The following SORCS3 variants were observed in gnomAD, a reference collection of about 807,000 sequenced individuals.
SORCS3 encodes VPS10 domain-containing receptor SorCS3.
SORCS3 carries 57 observed loss-of-function variants against 146.3 expected under a neutral mutation model. That is an observed-to-expected ratio of 0.39 (90% CI 0.31 to 0.49). The LOEUF (loss-of-function observed/expected upper bound fraction) is 0.49, where lower values mean the gene tolerates loss of function less well. Ranked by LOEUF, SORCS3 falls within the 20% of genes least tolerant of loss-of-function variation. The pLI, the probability that SORCS3 is intolerant of heterozygous loss-of-function variation, is 0.92. For synonymous variants in SORCS3, 653 were observed against 618.5 expected, an observed-to-expected ratio of 1.06 and a Z score of -0.83; for missense variants, 1,341 against 1,575.5, an observed-to-expected ratio of 0.85 and a Z score of 2.52.
chr10:104,677,510 GC>G (rs151307119), intron 1 of SORCS3, among the ~76,000 whole-genome samples: 209 of 152,356 alleles, frequency 1.4e-3, no homozygotes, highest in African/African-American at 4.8e-3. Flanking sequence ...GCCTGTCGCA[GC>G]CTGCCCAGGA....
intron 16 of SORCS3, among the ~76,000 whole-genome samples, chr10:105,210,301 G>A (rs749453081): frequency 3.3e-5 from 5 of 152,140 alleles, no homozygotes; most frequent in East Asian, 1.9e-4. Context: ...TTGCCCCATC[G>A]GTGGGTTTCA....
chr10:105,097,686 G>T (rs940061849), intron 6 of SORCS3, among the ~76,000 whole-genome samples: 3 of 152,100 alleles, frequency 2.0e-5, no homozygotes, highest in Non-Finnish European at 4.4e-5. Flanking sequence ...TACTAATGAT[G>T]ATCTTGTTAT....
At chr10:105,147,498 A>C in intron 8 of SORCS3, 119 bp from the exon 9 acceptor site, 1 of 783,240 alleles carries the variant, frequency 1.3e-6, no homozygotes, top group Non-Finnish European at 1.9e-6. Flanking sequence ...ATTGTTTAAC[A>C]TTGCCTATAA....
intron 1 of SORCS3, among the ~76,000 whole-genome samples, chr10:104,653,801 C>T (rs978637670): frequency 6.6e-6 from 1 of 152,128 alleles, no homozygotes; most frequent in Non-Finnish European, 1.5e-5. Flanking sequence ...ATTTGTGTTA[C>T]AAATAATCCA....
At chr10:104,696,510 A>ATTATATAC (rs1311871219) in intron 1 of SORCS3, among the ~76,000 whole-genome samples, 6 of 89,150 alleles carry the variant, frequency 6.7e-5, no homozygotes, top group Non-Finnish European at 9.6e-5. Context: ...TATAATATAT[A>ATTATATAC]ATATATAATA....
intron 5 of SORCS3, among the ~76,000 whole-genome samples, chr10:105,065,928 C>A (rs560050933): frequency 1.1e-3 from 168 of 152,264 alleles, no homozygotes; most frequent in South Asian, 2.1e-3. Context: ...GGTAGTGAGT[C>A]ATCTAAAATA....
chr10:105,161,188 T>C (rs561641215), intron 11 of SORCS3, among the ~76,000 whole-genome samples: 2 of 152,338 alleles, frequency 1.3e-5, no homozygotes, highest in East Asian at 3.9e-4. Context: ...CCCTGGATCT[T>C]TGGGAGGGAT....
chr10:105,147,668 G>C lies in SORCS3; in HGVS notation c.1354G>C (p.Glu452Gln). 6.2e-7 allele frequency: 1 copy of C among 1,613,040 alleles called. No homozygotes were observed. Among genetic ancestry groups the C allele is most frequent in the Non-Finnish European group, 8.5e-7 (1 of 1,179,256 alleles). The change falls in exon 9 of 27, where the codon GAA (glutamate) becomes CAA (glutamine). Residue 452 changes from glutamate to glutamine, a missense_variant. By Grantham distance (29) the Glu-to-Gln change is conservative (BLOSUM62 2). Transcript: ENST00000369701. ...DENQVFAAVQ[E>Q]WNQNDTYNLY... ...GAACCAAGTATTTGCTGCGGTCCAA[G>C]AATGGAACCAGAACGACACGTACAA...
At chr10:105,009,937 G>A (rs2055123279) in intron 4 of SORCS3, among the ~76,000 whole-genome samples, 1 of 152,088 alleles carries the variant, frequency 6.6e-6, no homozygotes, top group African/African-American at 2.4e-5. Context: ...ATAATTGAAA[G>A]GCTATTGAAA....
chr10:105,081,081 C>T (rs2133733924), intron 5 of SORCS3, among the ~76,000 whole-genome samples: 1 of 152,090 alleles, frequency 6.6e-6, no homozygotes, highest in East Asian at 1.9e-4. Context: ...TCACATTGTA[C>T]CCCGTAAATG....
intron 5 of SORCS3, among the ~76,000 whole-genome samples, chr10:105,075,644 AGGG>A (rs536699421): frequency 6.6e-6 from 1 of 152,142 alleles, no homozygotes; most frequent in Admixed American, 6.5e-5. Flanking sequence ...CCTATAAAGA[AGGG>A]GGGCGAGAAG....
chr10:104,821,421 A>T (rs2017871600), intron 1 of SORCS3, among the ~76,000 whole-genome samples: 1 of 152,166 alleles, frequency 6.6e-6, no homozygotes, highest in African/African-American at 2.4e-5. Context: ...GGGCAGGAAG[A>T]GAACATGTGC....
chr10:104,653,807 A>G (rs1355278674), intron 1 of SORCS3, among the ~76,000 whole-genome samples: 1 of 152,206 alleles, frequency 6.6e-6, no homozygotes, highest in Non-Finnish European at 1.5e-5. Context: ...GTTACAAATA[A>G]TCCAGATTAT....
rs141717592 is a variant in SORCS3, at chr10:104,662,055, G to A, written c.627+20101G>A. 2.0e-4 allele frequency among the ~76,000 whole-genome samples: 30 copies of A among 152,266 alleles called. No individual in the cohort carries two copies. The East Asian group carries it at 5.4e-3, about 27-fold the overall frequency. The stretch of plus-strand genomic sequence containing the variant: ...CTATCTCTCTTTAACAGAAAACTGT[G>A]ATGAAGAGAAGTTAGATTATCAAGC... On this transcript the variant is annotated intron_variant, in intron 1 of 26. Transcript: ENST00000369701.
intron 1 of SORCS3, among the ~76,000 whole-genome samples, chr10:104,748,884 C>T (rs2016946787): frequency 6.6e-6 from 1 of 152,116 alleles, no homozygotes; most frequent in Non-Finnish European, 1.5e-5. Flanking sequence ...TTAGATTCTC[C>T]TTCCGGGTCT....
intron 11 of SORCS3, among the ~76,000 whole-genome samples, chr10:105,159,434 C>G: frequency 6.6e-6 from 1 of 152,158 alleles, no homozygotes; most frequent in East Asian, 1.9e-4. Flanking sequence ...CATGTAAAGG[C>G]TTGTTTACAC....
rs1326147029 is a variant in SORCS3 at position 104,684,810 on chromosome 10, T to G, written c.627+42856T>G. ...TTTTTTTTTTTTTTTTTTTTTTTTT[T>G]TTTTTTTTTTTTTTTTTTTTTTTAT... On this transcript the variant is annotated intron_variant, in intron 1 of 26. Transcript: ENST00000369701. Among the ~76,000 whole-genome samples the G allele has an allele frequency of 1.1e-4, 6 of 54,938 alleles. No homozygotes were observed. In the South Asian group the frequency reaches 2.2e-3, roughly 20 times the overall value. The allele number at this position is 54,938 out of a possible 152,430, so 36.0% of individuals were successfully genotyped here. A position where few individuals can be genotyped will look rare whatever the true frequency, so the allele number is the denominator to read the frequency against.
intron 1 of SORCS3, among the ~76,000 whole-genome samples, chr10:104,696,625 ACGTATATATTATATATAATATATAT>A (rs1449312342): frequency 1.0e-5 from 1 of 99,660 alleles, no homozygotes; most frequent in Non-Finnish European, 1.8e-5. Flanking sequence ...TATATTATAT[ACGTATATATTATATATAATATATAT>A]TATATACGTA....
At chr10:105,212,818 C>T (rs953333536) in intron 17 of SORCS3, among the ~76,000 whole-genome samples, 2 of 152,066 alleles carry the variant, frequency 1.3e-5, no homozygotes, top group Admixed American at 6.6e-5. Flanking sequence ...TACCTATCAT[C>T]AGTAAAAACT....
Sources: gnomAD v4.1 joint callset for allele counts (sites outside exome capture counted in the v4.1 genomes callset) on GRCh38, gnomAD v4.1.1 for gene constraint, MANE v1.5 for transcripts, NCBI Gene and HGNC (gene_info 2026-07-23, HGNC 2026-07-21) for gene names.